CSMD3: variants seen among roughly 807,000 people sequenced by gnomAD.
The protein encoded by CSMD3 is CUB and Sushi multiple domains 3, also known as CUB and sushi domain-containing protein 3.
In CSMD3, 177 loss-of-function variants were observed where a neutral mutation model predicts 435.2. The observed-to-expected ratio is 0.41, with a 90% CI of 0.36 to 0.46. The LOEUF (loss-of-function observed/expected upper bound fraction) is 0.46, where lower values mean the gene tolerates loss of function less well. Ranked by LOEUF, CSMD3 falls within the 20% of genes least tolerant of loss-of-function variation. The pLI, the probability that CSMD3 is intolerant of heterozygous loss-of-function variation, is 0.34. For missense variants in CSMD3, 4,265 were observed against 4,504.6 expected (o/e 0.95, Z 1.52); for synonymous variants, 1,656 against 1,520.5 (o/e 1.09, Z -2.07).
intron 8 of CSMD3, among the ~76,000 whole-genome samples, chr8:112,951,089 T>C (rs927737108): frequency 6.6e-6 from 1 of 151,866 alleles, no homozygotes; most frequent in African/African-American, 2.4e-5. Context: ...TGTAAATATT[T>C]AAAATTTTTT....
intron 17 of CSMD3, among the ~76,000 whole-genome samples, chr8:112,662,743 A>G (rs1234908478): frequency 6.6e-6 from 1 of 152,188 alleles, no homozygotes; most frequent in Non-Finnish European, 1.5e-5. Context: ...GGCAACCTAC[A>G]GAATGGGAGA....
intron 16 of CSMD3, among the ~76,000 whole-genome samples, chr8:112,672,252 G>A (rs575173299): frequency 9.2e-5 from 14 of 152,160 alleles, no homozygotes; most frequent in African/African-American, 3.4e-4. Flanking sequence ...GACAGAATAG[G>A]CAGAGGTAGG....
chr8:113,390,274 C>A (rs1181998212), intron 1 of CSMD3, among the ~76,000 whole-genome samples: 3 of 151,604 alleles, frequency 2.0e-5, no homozygotes, highest in Non-Finnish European at 4.4e-5. Flanking sequence ...TGTTACTGTC[C>A]CCAGCCTGTA....
At chr8:113,102,631 G>A (rs1279913964) in intron 4 of CSMD3, among the ~76,000 whole-genome samples, 2 of 152,134 alleles carry the variant, frequency 1.3e-5, no homozygotes, top group Non-Finnish European at 2.9e-5. Flanking sequence ...AGGAAGTGAT[G>A]CTGGACCAGA....
At chr8:113,434,812 A>G (rs888929514) in intron 1 of CSMD3, among the ~76,000 whole-genome samples, 2 of 152,124 alleles carry the variant, frequency 1.3e-5, no homozygotes, top group Non-Finnish European at 2.9e-5. Context: ...CCGGGGCTCT[A>G]ATTGCAGGCG....
chr8:112,369,361 A>T (rs1828099452), intron 38 of CSMD3, among the ~76,000 whole-genome samples: 1 of 152,226 alleles, frequency 6.6e-6, no homozygotes, highest in Non-Finnish European at 1.5e-5. Context: ...TAAAAAATAT[A>T]ATTTTTGAAA....
intron 3 of CSMD3, among the ~76,000 whole-genome samples, chr8:113,278,276 A>C (rs1357038302): frequency 6.6e-6 from 1 of 151,826 alleles, no homozygotes; most frequent in East Asian, 1.9e-4. Context: ...CTGGCACAGC[A>C]CAAGGGACTG....
intron 4 of CSMD3, among the ~76,000 whole-genome samples, chr8:113,104,205 T>C (rs1259471843): frequency 6.6e-6 from 1 of 152,062 alleles, no homozygotes; most frequent in Non-Finnish European, 1.5e-5. Flanking sequence ...AACTGTAAAT[T>C]GTAGGAGAGA....
chr8:113,175,379 A>G (rs915305471), intron 3 of CSMD3, among the ~76,000 whole-genome samples: 1 of 151,876 alleles, frequency 6.6e-6, no homozygotes, highest in African/African-American at 2.4e-5. Flanking sequence ...TCTTAAAACT[A>G]GAAAAGTGAA....
At chr8:112,529,069 C>CA (rs919096891) in intron 27 of CSMD3, among the ~76,000 whole-genome samples, 70 of 152,070 alleles carry the variant, frequency 4.6e-4, no homozygotes, top group African/African-American at 1.6e-3. Flanking sequence ...ACAGCAACCA[C>CA]AAAAAAACAA....
chr8:113,002,951 T>C (rs1332549953), intron 6 of CSMD3, among the ~76,000 whole-genome samples: 1 of 152,044 alleles, frequency 6.6e-6, no homozygotes, highest in East Asian at 1.9e-4. Context: ...TATAATTAAC[T>C]AGTGTTGGCC....
chr8:113,364,247 T>A (rs2094296905), intron 1 of CSMD3, among the ~76,000 whole-genome samples: 3 of 146,132 alleles, frequency 2.1e-5, no homozygotes, highest in Non-Finnish European at 3.0e-5. Flanking sequence ...AGACTAAATT[T>A]TTTTTTTTTT....
intron 22 of CSMD3, among the ~76,000 whole-genome samples, chr8:112,629,344 G>A (rs12543504): frequency 0.49 from 73,969 of 151,806 alleles, 18,584 homozygotes; most frequent in African/African-American, 0.58. Context: ...TGAGACAACC[G>A]TCATACACCA....
intron 31 of CSMD3, among the ~76,000 whole-genome samples, chr8:112,482,460 T>A (rs1819718810): frequency 6.6e-6 from 1 of 152,232 alleles, no homozygotes; most frequent in Admixed American, 6.5e-5. Flanking sequence ...GTTTTAAAAC[T>A]AACACCATTT....
At chr8:112,243,879 T>A (rs1039141141) in intron 65 of CSMD3, among the ~76,000 whole-genome samples, 3 of 151,916 alleles carry the variant, frequency 2.0e-5, no homozygotes, top group African/African-American at 7.3e-5. Context: ...CACACAAAGA[T>A]ACACAGAAAA....
At chr8:112,875,302 G>C (rs2081250891) in intron 10 of CSMD3, among the ~76,000 whole-genome samples, 1 of 152,056 alleles carries the variant, frequency 6.6e-6, no homozygotes, top group Non-Finnish European at 1.5e-5. Context: ...TAGTCTAATG[G>C]GCTTCCCTTT....
Position 112,301,665 on chromosome 8 carries a change from T to C in CSMD3, c.8440+128A>G, listed in dbSNP as rs80093001. ...CATGAGCCATTTTTAAAGATAAGTA[T>C]TTTCTGGTTTTTAACATACTTACTG... On this transcript the variant is annotated intron_variant, in intron 53 of 70. Transcript: ENST00000297405. 1,403 of 711,104 alleles carry C rather than the reference T, an allele frequency of 2.0e-3. 15 individuals are homozygous for C. In the African/African-American group the frequency reaches 0.023, roughly 11 times the overall value. 44.0% of individuals were successfully genotyped at this position (711,104 alleles called of 1,614,324 possible).
chr8:112,320,537 C>A (rs1028776224), intron 45 of CSMD3, among the ~76,000 whole-genome samples: 1 of 151,892 alleles, frequency 6.6e-6, no homozygotes, highest in East Asian at 1.9e-4. Flanking sequence ...ATGTGCACAA[C>A]GTGCAGGTTT....
chr8:113,427,842 C>T (rs967108296), intron 1 of CSMD3, among the ~76,000 whole-genome samples: 6 of 151,554 alleles, frequency 4.0e-5, no homozygotes, highest in Non-Finnish European at 7.4e-5. Context: ...GGTTAAGATA[C>T]CAAGTAAAAC....
Sources: gnomAD v4.1 joint callset for allele counts (sites outside exome capture counted in the v4.1 genomes callset) on GRCh38, gnomAD v4.1.1 for gene constraint, MANE v1.5 for transcripts, NCBI Gene and HGNC (gene_info 2026-07-23, HGNC 2026-07-21) for gene names.